FLRT2: variants seen among roughly 807,000 people sequenced by gnomAD.
FLRT2 encodes the protein leucine-rich repeat transmembrane protein FLRT2.
A neutral mutation model predicts 40.0 loss-of-function variants in FLRT2; 15 were observed. That is an observed-to-expected ratio of 0.38 (90% CI 0.25 to 0.58). The LOEUF is 0.58. Ranked by LOEUF, FLRT2 falls within the 20% of genes least tolerant of loss-of-function variation. The probability of loss-of-function intolerance (pLI) is 0.71; values close to 1 mark genes in which losing one functional copy is unlikely to be tolerated. For synonymous variants in FLRT2, 380 were observed against 336.8 expected (o/e 1.13, Z -1.41); for missense variants, 726 against 840.0 (o/e 0.86, Z 1.68).
intron 1 of FLRT2, among the ~76,000 whole-genome samples, chr14:85,537,267 T>G (rs1178826278): frequency 7.2e-5 from 11 of 152,170 alleles, no homozygotes; most frequent in Non-Finnish European, 1.6e-4. Context: ...TTTACTGAAT[T>G]TCTTAGGTGG....
intron 1 of FLRT2, among the ~76,000 whole-genome samples, chr14:85,588,786 C>T (rs1199712547): frequency 1.8e-4 from 28 of 152,084 alleles, no homozygotes; most frequent in Admixed American, 1.8e-3. Context: ...CCCTTCCAGC[C>T]TCTGGTAACC....
rs966218418 is a variant in FLRT2, at chr14:85,531,845, C to T, written c.-377+1311C>T. On this transcript the variant is annotated intron_variant, in intron 1 of 1. Coordinates refer to ENST00000330753, the MANE Select transcript of FLRT2 (RefSeq NM_013231.6). ...TGCAACAGGAACAGCGACCCGCGCG[C>T]ACGAACCGGGTAGTGTGCGCGTGTG... Among the ~76,000 whole-genome samples, 10 of 152,300 alleles carry T rather than the reference C, an allele frequency of 6.6e-5. No homozygotes were observed. In the East Asian group the frequency reaches 1.5e-3, roughly 24 times the overall value.
chr14:85,602,229 T>C (rs894227507), intron 1 of FLRT2, among the ~76,000 whole-genome samples: 1 of 152,204 alleles, frequency 6.6e-6, no homozygotes, highest in Non-Finnish European at 1.5e-5. Flanking sequence ...AAAATACACA[T>C]GTACCTACTT....
chr14:85,545,583 C>A (rs1889234357), intron 1 of FLRT2, among the ~76,000 whole-genome samples: 1 of 152,194 alleles, frequency 6.6e-6, no homozygotes, highest in South Asian at 2.1e-4. Flanking sequence ...TTCGAGTAGA[C>A]AACTGCCTAA....
rs1008832750 is a variant in FLRT2 at position 85,639,153 on chromosome 14, G to A, written c.*15656G>A. On this transcript the variant is annotated 3_prime_UTR_variant, in exon 2 of 2. Coordinates refer to ENST00000330753, the MANE Select transcript of FLRT2 (RefSeq NM_013231.6). ...TTTTCTCATGATCCAGTTATTTTAA[G>A]GATACCTGCAGGATCCCACAGGTTT... 1.3e-5 allele frequency: 2 copies of A among 152,170 alleles called. No individual in the cohort carries two copies. The highest frequency in any genetic ancestry group is 6.5e-5 in the Admixed American group (1 of 15,280). The allele number at this position is 152,170 out of a possible 1,614,324, so 9.4% of individuals were successfully genotyped here.
chr14:85,566,961 T>C (rs1170452348), intron 1 of FLRT2, among the ~76,000 whole-genome samples: 1 of 152,186 alleles, frequency 6.6e-6, no homozygotes, highest in Non-Finnish European at 1.5e-5. Flanking sequence ...GCCTAAAAAG[T>C]AATCAACATA....
intron 1 of FLRT2, among the ~76,000 whole-genome samples, chr14:85,580,250 T>C (rs1238513232): frequency 6.6e-6 from 1 of 152,184 alleles, no homozygotes; most frequent in Non-Finnish European, 1.5e-5. Flanking sequence ...TGCCTGACAG[T>C]AGCAAATTTA....
chr14:85,583,675 A>G (rs1363467647), intron 1 of FLRT2, among the ~76,000 whole-genome samples: 28 of 152,168 alleles, frequency 1.8e-4, no homozygotes, highest in Admixed American at 1.8e-3. Context: ...GCACGGAAGG[A>G]GATATAATTT....
chr14:85,564,263 A>G (rs1890514436), intron 1 of FLRT2, among the ~76,000 whole-genome samples: 1 of 152,200 alleles, frequency 6.6e-6, no homozygotes, highest in Non-Finnish European at 1.5e-5. Flanking sequence ...TCGAATATGT[A>G]TTGCTTGGAT....
At chr14:85,604,042 G>T (rs1892505262) in intron 1 of FLRT2, among the ~76,000 whole-genome samples, 1 of 152,062 alleles carries the variant, frequency 6.6e-6, no homozygotes, top group South Asian at 2.1e-4. Flanking sequence ...ATATCATTTT[G>T]ATGCACTGAA....
At chr14:85,592,732 C>T (rs541991144) in intron 1 of FLRT2, among the ~76,000 whole-genome samples, 10 of 142,218 alleles carry the variant, frequency 7.0e-5, no homozygotes, top group Non-Finnish European at 1.2e-4. Context: ...AAGGTTGCAG[C>T]GAGCCGAGAT....
intron 1 of FLRT2, among the ~76,000 whole-genome samples, chr14:85,579,988 T>C (rs909813954): frequency 2.7e-5 from 4 of 150,900 alleles, no homozygotes; most frequent in African/African-American, 9.8e-5. Flanking sequence ...CCTGGGTCAT[T>C]TGGAGATTTG....
In FLRT2 at chr14:85,637,846, C is replaced by T. The variant is rs991520109; in HGVS notation, c.*14349C>T. The T allele has an allele frequency of 4.6e-5, 7 of 152,162 alleles. No individual in the cohort carries two copies. Among genetic ancestry groups the T allele is most frequent in the African/African-American group, 1.7e-4 (7 of 41,430 alleles). The allele number at this position is 152,162 out of a possible 1,614,324, so 9.4% of individuals were successfully genotyped here. ...AAATTTTTCATGTTGTAATCACCCA[C>T]CAGTGGTAATAATAGGGTTAATTAT... On this transcript the variant is annotated 3_prime_UTR_variant, in exon 2 of 2. Transcript: ENST00000330753.
intron 1 of FLRT2, among the ~76,000 whole-genome samples, chr14:85,579,332 C>T (rs906465288): frequency 6.6e-6 from 1 of 152,022 alleles, no homozygotes; most frequent in African/African-American, 2.4e-5. Flanking sequence ...AAATAAAGAC[C>T]GGGGGAATTG....
Position 85,632,543 on chromosome 14 carries a change from G to A in FLRT2, c.*9046G>A, listed in dbSNP as rs1893905402. The A allele has an allele frequency of 6.7e-6, 1 of 149,296 alleles. No individual in the cohort carries two copies. The highest frequency in any genetic ancestry group is 1.5e-5 in the Non-Finnish European group (1 of 67,674). 9.2% of individuals were successfully genotyped at this position (149,296 alleles called of 1,614,324 possible). ...TCCACAAAGCACAAGTAGACACAAA[G>A]TTAAACATTTCGACAGTCGGCTAGT... On this transcript the variant is annotated 3_prime_UTR_variant, in exon 2 of 2. Coordinates refer to ENST00000330753, the MANE Select transcript of FLRT2 (RefSeq NM_013231.6).
Position 85,636,153 on chromosome 14 carries a change from G to A in FLRT2, c.*12656G>A, listed in dbSNP as rs1262887827. 1 of 151,764 alleles carries A rather than the reference G, an allele frequency of 6.6e-6. No individual in the cohort carries two copies. The highest frequency in any genetic ancestry group is 1.5e-5 in the Non-Finnish European group (1 of 67,914). The allele number at this position is 151,764 out of a possible 1,614,324, so 9.4% of individuals were successfully genotyped here. ...TTTAAAAGTTCATTAATTCTGTAAA[G>A]GGAATTTAATAAAATGCAAGCAGAT... On this transcript the variant is annotated 3_prime_UTR_variant, in exon 2 of 2. Transcript: ENST00000330753.
At chr14:85,583,311 C>T (rs1007056300) in intron 1 of FLRT2, among the ~76,000 whole-genome samples, 3 of 152,156 alleles carry the variant, frequency 2.0e-5, no homozygotes, top group Non-Finnish European at 2.9e-5. Flanking sequence ...AGGTAAAGTA[C>T]ATTCATTTTG....
At chr14:85,614,386 G>GA (rs1893030051) in intron 1 of FLRT2, among the ~76,000 whole-genome samples, 1 of 149,618 alleles carries the variant, frequency 6.7e-6, no homozygotes, top group Non-Finnish European at 1.5e-5. Flanking sequence ...AAAAAAAAAA[G>GA]GTAAAATTCA....
In FLRT2 at chr14:85,630,883, A is replaced by G. The variant is rs1242697908; in HGVS notation, c.*7386A>G. 2 of 151,840 alleles carry G rather than the reference A, an allele frequency of 1.3e-5. No individual in the cohort carries two copies. Among genetic ancestry groups the G allele is most frequent in the African/African-American group, 4.8e-5 (2 of 41,270 alleles). 9.4% of individuals were successfully genotyped at this position (151,840 alleles called of 1,614,324 possible). A position where few individuals can be genotyped will look rare whatever the true frequency, so the allele number is the denominator to read the frequency against. ...AGTCTTTTTCTAATTTAGCCTTTCC[A>G]ACACATTGAAGGACAAAGGGTAATC... is the stretch of plus-strand genomic sequence containing the variant. On this transcript the variant is annotated 3_prime_UTR_variant, in exon 2 of 2. Transcript: ENST00000330753.
Sources: gnomAD v4.1 joint callset for allele counts (sites outside exome capture counted in the v4.1 genomes callset) on GRCh38, gnomAD v4.1.1 for gene constraint, MANE v1.5 for transcripts, NCBI Gene and HGNC (gene_info 2026-07-23, HGNC 2026-07-21) for gene names.